Variants in CFAP20DC observed in about 807,000 individuals in gnomAD.
CFAP20DC encodes protein CFAP20DC.
CFAP20DC carries 84 observed loss-of-function variants against 101.7 expected under a neutral mutation model. That is an observed-to-expected ratio of 0.83 (90% CI 0.69 to 0.99). The LOEUF is 0.99. Among genes scored for constraint, CFAP20DC ranks in the 50% least tolerant of loss-of-function variants. The pLI, the probability that CFAP20DC is intolerant of heterozygous loss-of-function variation, is 0.00. For missense variants in CFAP20DC, 1,007 were observed against 970.3 expected (o/e 1.04, Z -0.50); for synonymous variants, 359 against 351.2 (o/e 1.02, Z -0.25).
intron 13 of CFAP20DC, among the ~76,000 whole-genome samples, chr3:58,832,256 G>A (rs2076449226): frequency 6.6e-6 from 1 of 152,090 alleles, no homozygotes; most frequent in Non-Finnish European, 1.5e-5. Context: ...GCTCCTTTAT[G>A]ATGCCCTCTC....
intron 15 of CFAP20DC, among the ~76,000 whole-genome samples, chr3:58,761,469 A>G (rs2069586299): frequency 6.6e-6 from 1 of 151,900 alleles, no homozygotes; most frequent in Non-Finnish European, 1.5e-5. Flanking sequence ...AATTTTGTTG[A>G]TCTTCTCAAA....
chr3:58,980,196 A>T (rs2092467930), intron 4 of CFAP20DC, among the ~76,000 whole-genome samples: 1 of 152,142 alleles, frequency 6.6e-6, no homozygotes, highest in Non-Finnish European at 1.5e-5. Flanking sequence ...CCTCTGTCTG[A>T]GTTGTCTGCC....
At chr3:58,803,179 G>A (rs1206201927) in intron 15 of CFAP20DC, among the ~76,000 whole-genome samples, 1 of 152,156 alleles carries the variant, frequency 6.6e-6, no homozygotes, top group Non-Finnish European at 1.5e-5. Context: ...ACTTTCCAGA[G>A]GTCACCATCA....
At chr3:58,895,410 T>C (rs980681186) in intron 6 of CFAP20DC, among the ~76,000 whole-genome samples, 1 of 152,178 alleles carries the variant, frequency 6.6e-6, no homozygotes, top group African/African-American at 2.4e-5. Context: ...TCCACAAATC[T>C]AGGATATGGG....
chr3:59,013,365 C>T (rs1445890586), intron 4 of CFAP20DC, among the ~76,000 whole-genome samples: 5 of 152,166 alleles, frequency 3.3e-5, no homozygotes. Flanking sequence ...TGCTACTGAA[C>T]ACTCTTCTCT....
rs1288336203 is a variant in CFAP20DC at position 58,863,059 on chromosome 3, A to G, written c.1593+499T>C. The G allele has an allele frequency of 6.1e-6, 6 of 991,186 alleles. No homozygotes were observed. In the South Asian group the frequency reaches 1.4e-4, roughly 23 times the overall value. The allele number at this position is 991,186 out of a possible 1,614,324, so 61.4% of individuals were successfully genotyped here. On this transcript the variant is annotated intron_variant, in intron 12 of 16. Transcript: ENST00000482387. This position sits in a 1 kb window ranked among gnomAD's most constrained non-coding sequence, Gnocchi z 5.9. The stretch of plus-strand genomic sequence containing the variant: ...AGCACTAATCCACGACTCATTATCT[A>G]AACTTTAATTGGCACAACTCTTCAA...
In CFAP20DC at chr3:58,861,899, T is replaced by G; in HGVS notation, c.1593+1659A>C. The G allele has an allele frequency of 1.0e-6, 1 of 985,432 alleles. No homozygotes were observed. Among genetic ancestry groups the G allele is most frequent in the Non-Finnish European group, 1.2e-6 (1 of 829,926 alleles). The allele number at this position is 985,432 out of a possible 1,614,324, so 61.0% of individuals were successfully genotyped here. On this transcript the variant is annotated intron_variant, in intron 12 of 16. Coordinates refer to ENST00000482387, the MANE Select transcript of CFAP20DC (RefSeq NM_001394063.1). This position sits in a 1 kb window ranked among gnomAD's most constrained non-coding sequence, Gnocchi z 4.0. ...TAAATTTGTTTTCAATTTTATGTAGTTGGTAACAAATACACATCTGCATAA... is the reference window on the plus strand; with the variant it reads ...TAAATTTGTTTTCAATTTTATGTAGGTGGTAACAAATACACATCTGCATAA...
rs568151656 is a variant in CFAP20DC, at chr3:59,006,231, T to A, written c.278+33326A>T. Among the ~76,000 whole-genome samples, 1 of 152,020 alleles carries A rather than the reference T, an allele frequency of 6.6e-6. No homozygotes were observed. The highest frequency in any genetic ancestry group is 6.6e-5 in the Admixed American group (1 of 15,256). ...GCTACTGTCATCCCAGCAACCAGAA[T>A]AAGCCAAGAAAACTATAAAATCATG... On this transcript the variant is annotated intron_variant, in intron 4 of 16. Transcript: ENST00000482387. The surrounding 1 kb of genome is among the most constrained non-coding windows in gnomAD (Gnocchi z 4.3).
At chr3:58,934,483 A>T (rs1393042699) in intron 5 of CFAP20DC, among the ~76,000 whole-genome samples, 1 of 152,236 alleles carries the variant, frequency 6.6e-6, no homozygotes, top group African/African-American at 2.4e-5. Context: ...AGAGAATTTT[A>T]GACCAATATC....
At chr3:58,851,266 G>C (rs979477242) in intron 12 of CFAP20DC, among the ~76,000 whole-genome samples, 6 of 152,124 alleles carry the variant, frequency 3.9e-5, no homozygotes, top group African/African-American at 1.4e-4. Context: ...GGAGTGTCTG[G>C]GTTGGCTTGT....
At chr3:58,981,584 CT>C (rs2092547600) in intron 4 of CFAP20DC, among the ~76,000 whole-genome samples, 1 of 152,134 alleles carries the variant, frequency 6.6e-6, no homozygotes, top group South Asian at 2.1e-4. Context: ...TTTGACAAAC[CT>C]GAGAAAAACA....
At chr3:58,900,082 G>T (rs1043818574) in intron 6 of CFAP20DC, among the ~76,000 whole-genome samples, 1 of 152,326 alleles carries the variant, frequency 6.6e-6, no homozygotes, top group African/African-American at 2.4e-5. Flanking sequence ...AGTCATAAAA[G>T]ATAAGTAGAA....
chr3:58,768,340 T>C (rs1404001388), intron 15 of CFAP20DC, among the ~76,000 whole-genome samples: 1 of 152,150 alleles, frequency 6.6e-6, no homozygotes, highest in Non-Finnish European at 1.5e-5. Flanking sequence ...ATCTGGATTC[T>C]AGGGGAATGA....
Position 59,014,663 on chromosome 3 carries a change from T to C in CFAP20DC, c.278+24894A>G, listed in dbSNP as rs2093653239. Among the ~76,000 whole-genome samples, 1 of 152,154 alleles carries C rather than the reference T, an allele frequency of 6.6e-6. No homozygotes were observed. Among genetic ancestry groups the C allele is most frequent in the South Asian group, 2.1e-4 (1 of 4,824 alleles). Reference sequence around the variant, plus strand: ...GAGTCTGTTAAGGAGTTAACAGACATCTGATGTTTGAAGTGAGAGTAATTT... The same window carrying C: ...GAGTCTGTTAAGGAGTTAACAGACACCTGATGTTTGAAGTGAGAGTAATTT... On this transcript the variant is annotated intron_variant, in intron 4 of 16. Coordinates refer to ENST00000482387, the MANE Select transcript of CFAP20DC (RefSeq NM_001394063.1). This position sits in a 1 kb window ranked among gnomAD's most constrained non-coding sequence, Gnocchi z 4.9.
intron 15 of CFAP20DC, among the ~76,000 whole-genome samples, chr3:58,754,450 T>C (rs1028732001): frequency 1.3e-5 from 2 of 152,148 alleles, no homozygotes; most frequent in Non-Finnish European, 2.9e-5. Flanking sequence ...CTCTCGTAGA[T>C]ACCTGGGGGG....
chr3:58,851,464 A>G (rs745816316), intron 12 of CFAP20DC, among the ~76,000 whole-genome samples: 4 of 152,176 alleles, frequency 2.6e-5, no homozygotes, highest in Non-Finnish European at 5.9e-5. Flanking sequence ...AGAGTATGAG[A>G]TCCTTAACCC....
chr3:58,753,716 T>C, intron 16 of CFAP20DC, 53 bp downstream of exon 16: 1 of 1,164,486 alleles, frequency 8.6e-7, no homozygotes, highest in Non-Finnish European at 1.3e-6. Context: ...ATTCTCTCTA[T>C]TTATAGTAAA....
At chr3:58,990,812 A>G (rs780801703) in intron 4 of CFAP20DC, among the ~76,000 whole-genome samples, 2 of 151,198 alleles carry the variant, frequency 1.3e-5, no homozygotes, top group Non-Finnish European at 2.9e-5. Flanking sequence ...TCCAAAATCT[A>G]AAAAAGTCTA....
intron 4 of CFAP20DC, among the ~76,000 whole-genome samples, chr3:58,986,558 CT>C (rs2092758822): frequency 6.6e-6 from 1 of 152,082 alleles, no homozygotes; most frequent in Non-Finnish European, 1.5e-5. Flanking sequence ...AATAAATAAG[CT>C]TGTCTCTGTC....
Sources: gnomAD v4.1 joint callset for allele counts (sites outside exome capture counted in the v4.1 genomes callset) on GRCh38, gnomAD v4.1.1 for gene constraint, Gnocchi (gnomAD v3.1) non-coding constraint, MANE v1.5 for transcripts, NCBI Gene and HGNC (gene_info 2026-07-23, HGNC 2026-07-21) for gene names.